GARS1: variants seen among roughly 807,000 people sequenced by gnomAD.
The protein encoded by GARS1 is glycine--tRNA ligase.
Under a neutral mutation model 86.4 loss-of-function variants are expected in GARS1, and 46 were observed. That is an observed-to-expected ratio of 0.53 (90% CI 0.42 to 0.68). The LOEUF is 0.68. GARS1 is among the 30% of genes least tolerant of loss of function. GARS1 has a pLI of 0.00. For missense variants in GARS1, 797 were observed against 915.6 expected, an observed-to-expected ratio of 0.87 and a Z score of 1.67; for synonymous variants, 342 against 329.8, an observed-to-expected ratio of 1.04 and a Z score of -0.40.
chr7:30,609,994 G>A (rs1337695101), intron 7 of GARS1, among the ~76,000 whole-genome samples: 1 of 152,148 alleles, frequency 6.6e-6, no homozygotes, highest in Non-Finnish European at 1.5e-5. Context: ...TAGCTGCATA[G>A]GGTAGAAGGG....
chr7:30,626,645 C>T (rs1398660687), intron 13 of GARS1, among the ~76,000 whole-genome samples: 1 of 152,244 alleles, frequency 6.6e-6, no homozygotes, highest in Admixed American at 6.5e-5. Context: ...GTGACCACGC[C>T]TGGCCCTCAT....
Position 30,633,073 on chromosome 7 carries a change from T to TC in GARS1, c.2094+637dup, listed in dbSNP as rs372494184. ...ACAGAAGCAAAAGACTGCTTTTTTT[T>TC]CTGAAGGAGTTTATAGTCTAATCCA... On this transcript the variant is annotated intron_variant, in intron 16 of 16. Transcript: ENST00000389266. Among the ~76,000 whole-genome samples the TC allele has an allele frequency of 3.0e-3, 459 of 152,360 alleles. 3 individuals are homozygous for TC. Among genetic ancestry groups the TC allele is most frequent in the African/African-American group, 0.01 (427 of 41,588 alleles).
At chr7:30,614,054 C>A (rs1253717831) in intron 8 of GARS1, among the ~76,000 whole-genome samples, 1 of 152,170 alleles carries the variant, frequency 6.6e-6, no homozygotes, top group Non-Finnish European at 1.5e-5. Context: ...GATACAGTTA[C>A]TCAGAATTCT....
chr7:30,629,766 T>C (rs942889067), intron 14 of GARS1, among the ~76,000 whole-genome samples: 2 of 152,210 alleles, frequency 1.3e-5, no homozygotes, highest in African/African-American at 4.8e-5. Flanking sequence ...ATTCAACAGA[T>C]TGTAAGAACC....
intron 1 of GARS1, among the ~76,000 whole-genome samples, chr7:30,595,444 C>T (rs141326224): frequency 1.4e-4 from 22 of 152,312 alleles, no homozygotes; most frequent in Middle Eastern, 3.4e-3. Context: ...CAGCCCGCGT[C>T]TCCTCTATTT....
At chr7:30,603,262 G>A in intron 5 of GARS1, 140 bp downstream of exon 5, 1 of 762,362 alleles carries the variant, frequency 1.3e-6, no homozygotes, top group Non-Finnish European at 2.2e-6. Flanking sequence ...TATAGATCAA[G>A]TCCTTTATTT....
intron 13 of GARS1, chr7:30,626,975 C>T (rs1009826309): frequency 2.7e-5 from 11 of 409,758 alleles, no homozygotes; most frequent in African/African-American, 4.5e-5. Flanking sequence ...TGCAAGACTC[C>T]GTCTCAAAAA....
chr7:30,599,925 C>G, intron 2 of GARS1, 22 bp from the exon 3 acceptor site: 1 of 1,486,794 alleles, frequency 6.7e-7, no homozygotes, highest in Non-Finnish European at 9.4e-7. Context: ...CACTCACTCA[C>G]TTTTTATTTA....
intron 8 of GARS1, among the ~76,000 whole-genome samples, chr7:30,613,449 T>C (rs1782819084): frequency 6.6e-6 from 1 of 152,246 alleles, no homozygotes; most frequent in African/African-American, 2.4e-5. Context: ...ATCTAGCAAG[T>C]ATGCCTTCCC....
chr7:30,597,643 G>C (rs1791281510), intron 1 of GARS1, among the ~76,000 whole-genome samples: 1 of 152,166 alleles, frequency 6.6e-6, no homozygotes, highest in South Asian at 2.1e-4. Flanking sequence ...AATGATAATA[G>C]AATTAGATCC....
chr7:30,595,988 T>C (rs1447067305), intron 1 of GARS1: 5 of 441,236 alleles, frequency 1.1e-5, no homozygotes, highest in Non-Finnish European at 2.3e-5. Context: ...AGACCTCCTT[T>C]TCCTAGGGCA....
chr7:30,598,222 C>T (rs1211724345), intron 1 of GARS1, among the ~76,000 whole-genome samples: 7 of 152,014 alleles, frequency 4.6e-5, no homozygotes, highest in Admixed American at 3.3e-4. Flanking sequence ...TTTGTCTCCT[C>T]CTTTTTCACC....
intron 15 of GARS1, 51 bp downstream of exon 15, chr7:30,631,592 G>A: frequency 9.0e-7 from 1 of 1,116,262 alleles, no homozygotes; most frequent in South Asian, 1.2e-5. Context: ...CAAGGAGACT[G>A]AATTTTAGGA....
At position 30,615,972 on chromosome 7, in the gene GARS1, G is replaced by C. The variant is rs769026859; in HGVS notation, c.1108G>C (p.Asp370His). The change falls in exon 9 of 17, where the codon GAC becomes CAC. Residue 370 changes from aspartate (D) to histidine (H), a missense_variant. Transcript: ENST00000389266. ...KDHPKFQNVA[D>H]LHLYLYSAKA... ...CCACCCCAAGTTCCAGAATGTGGCA[G>C]ACCTTCACCTTTATTTGTATTCAGC... is the stretch of plus-strand genomic sequence containing the variant. 13 of 1,614,088 alleles carry C rather than the reference G, an allele frequency of 8.1e-6. No individual in the cohort carries two copies. Among genetic ancestry groups the C allele is most frequent in the Non-Finnish European group, 9.3e-6 (11 of 1,180,038 alleles).
chr7:30,620,274 G>A (rs1346460936), intron 10 of GARS1, among the ~76,000 whole-genome samples: 2 of 152,298 alleles, frequency 1.3e-5, no homozygotes, highest in South Asian at 4.1e-4. Context: ...CACATACAGA[G>A]TGGCTTATAA....
At chr7:30,604,428 C>T (rs1198416373) in intron 6 of GARS1, among the ~76,000 whole-genome samples, 2 of 151,830 alleles carry the variant, frequency 1.3e-5, no homozygotes, top group South Asian at 2.1e-4. Flanking sequence ...TTCTTTACAC[C>T]GATCTCTCTC....
At chr7:30,603,256 G>T in intron 5 of GARS1, 134 bp downstream of exon 5, 1 of 768,176 alleles carries the variant, frequency 1.3e-6, no homozygotes, top group Admixed American at 2.6e-5. Context: ...TAAGTATATA[G>T]ATCAAGTCCT....
intron 8 of GARS1, among the ~76,000 whole-genome samples, chr7:30,615,065 A>C (rs909009670): frequency 5.9e-5 from 9 of 152,200 alleles, no homozygotes; most frequent in Non-Finnish European, 1.2e-4. Flanking sequence ...TCTCCCGCAA[A>C]TAGCTACTAA....
chr7:30,622,446 C>T lies in GARS1; in HGVS notation c.1597C>T (p.Leu533=), dbSNP rs1426454740. The change falls in exon 12 of 17, where the codon CTG becomes TTG. Residue 533 remains leucine (L), a synonymous_variant. Transcript: ENST00000389266. ...DECYITEMEM[L]LNEKGEFTIE... is the part of the protein sequence containing the mutation. Reference sequence around the variant, plus strand: ...GTGCTACATTACAGAAATGGAGATGCTGCTGAATGAGAAAGGGTAAGATAT... The same window carrying T: ...GTGCTACATTACAGAAATGGAGATGTTGCTGAATGAGAAAGGGTAAGATAT... 1 of 1,614,110 alleles carries T rather than the reference C, an allele frequency of 6.2e-7. No homozygotes were observed. Among genetic ancestry groups the T allele is most frequent in the Non-Finnish European group, 8.5e-7 (1 of 1,179,994 alleles).
Sources: gnomAD v4.1 joint callset for allele counts (sites outside exome capture counted in the v4.1 genomes callset) on GRCh38, gnomAD v4.1.1 for gene constraint, MANE v1.5 for transcripts, NCBI Gene and HGNC (gene_info 2026-07-23, HGNC 2026-07-21) for gene names.